The following THTPA variants were observed in gnomAD, a reference collection of about 807,000 sequenced individuals.
THTPA encodes the protein thiamine triphosphatase.
In THTPA, 16 loss-of-function variants were observed where a neutral mutation model predicts 16.5. The ratio of observed to expected loss-of-function variants is 0.97; its 90% CI spans 0.66 to 1.47. The LOEUF is 1.47. THTPA is among the 40% of genes most tolerant of loss of function. THTPA has a pLI of 0.00. For synonymous variants in THTPA, 110 were observed against 115.5 expected (o/e 0.95, Z 0.30); for missense variants, 281 against 280.9 (o/e 1.00, Z 0.00).
chr14:23,512,519 C>T, the THTPA span, among the ~76,000 whole-genome samples: 3 of 150,912 alleles, frequency 2.0e-5, no homozygotes, highest in African/African-American at 7.3e-5. Flanking sequence ...TCTCCCGATA[C>T]CCCACCTCAC....
At chr14:23,535,100 G>T in the THTPA span, 3 of 1,536,190 alleles carry the variant, frequency 2.0e-6, no homozygotes, top group Admixed American at 2.0e-5. The surrounding 1 kb of genome is among the most constrained non-coding windows in gnomAD (Gnocchi z 4.5). Flanking sequence ...CCTTCCTGGG[G>T]CTCCCCAATC....
chr14:23,515,010 G>A, the THTPA span, among the ~76,000 whole-genome samples: 1 of 152,158 alleles, frequency 6.6e-6, no homozygotes, highest in Non-Finnish European at 1.5e-5. Context: ...AGAGGGACAG[G>A]CTAGAGCACA....
the THTPA span, chr14:23,529,970 C>A: frequency 1.0e-6 from 1 of 971,772 alleles, no homozygotes; most frequent in Non-Finnish European, 1.6e-6. Flanking sequence ...CCTAGCCTCT[C>A]GTGGCTCAGC....
chr14:23,524,468 A>G, the THTPA span: 5 of 1,534,300 alleles, frequency 3.3e-6, no homozygotes, highest in South Asian at 2.4e-5. The surrounding 1 kb of genome is among the most constrained non-coding windows in gnomAD (Gnocchi z 5.6). Context: ...TGGACCTGGC[A>G]TTGGTGAGGT....
At chr14:23,538,197 G>A in the THTPA span, 2 of 152,186 alleles carry the variant, frequency 1.3e-5, no homozygotes, top group African/African-American at 2.4e-5. Flanking sequence ...CTGATCGGCC[G>A]AGGGTAGGTT....
chr14:23,532,078 A>G, the THTPA span: 1 of 182,596 alleles, frequency 5.5e-6, no homozygotes, highest in Non-Finnish European at 1.1e-5. Context: ...ACCTAGCCTC[A>G]GGGGACTTCT....
Position 23,559,156 on chromosome 14 carries a change from C to A in THTPA, c.*316C>A. 3.4e-6 allele frequency: 1 copy of A among 295,278 alleles called. No individual in the cohort carries two copies. The allele number at this position is 295,278 out of a possible 1,614,324, so 18.3% of individuals were successfully genotyped here. A position where few individuals can be genotyped will look rare whatever the true frequency, so the allele number is the denominator to read the frequency against. ...TAAGCACAGGAAAATCCCTTGCCAC[C>A]CCCCCTCCCTTGGTCGATGCCATTG... On this transcript the variant is annotated 3_prime_UTR_variant, in exon 2 of 2. Coordinates refer to ENST00000288014, the MANE Select transcript of THTPA (RefSeq NM_024328.6).
At position 23,559,244 on chromosome 14, in the gene THTPA, G is replaced by T. The variant is rs1437007418; in HGVS notation, c.*404G>T. 4.4e-6 allele frequency: 1 copy of T among 228,244 alleles called. No homozygotes were observed. Among genetic ancestry groups the T allele is most frequent in the Non-Finnish European group, 8.8e-6 (1 of 113,768 alleles). 14.1% of individuals were successfully genotyped at this position (228,244 alleles called of 1,614,324 possible). A position where few individuals can be genotyped will look rare whatever the true frequency, so the allele number is the denominator to read the frequency against. The stretch of plus-strand genomic sequence containing the variant: ...TTAGAAGATGAGGAGAGGCAGCAGG[G>T]ATTTCCCTGCCTTGGGATGTGGGAA... On this transcript the variant is annotated 3_prime_UTR_variant, in exon 2 of 2. Transcript: ENST00000288014.
At chr14:23,518,744 C>T in the THTPA span, among the ~76,000 whole-genome samples, 13 of 152,184 alleles carry the variant, frequency 8.5e-5, no homozygotes, top group Admixed American at 2.0e-4. The surrounding 1 kb of genome is among the most constrained non-coding windows in gnomAD (Gnocchi z 4.5). Context: ...GTTATTGTGC[C>T]AAATGCTTGA....
At chr14:23,556,258 A>G (rs1240832858), upstream of THTPA, 1 of 154,358 alleles carries the variant, frequency 6.5e-6, no homozygotes, top group African/African-American at 2.4e-5. Flanking sequence ...CGGGATCCGG[A>G]ACTGCTCCCG....
rs748621956 is a variant in THTPA, at chr14:23,560,249, A to G, written c.*1409A>G. 1 of 1,613,066 alleles carries G rather than the reference A, an allele frequency of 6.2e-7. No homozygotes were observed. Among genetic ancestry groups the G allele is most frequent in the Non-Finnish European group, 8.5e-7 (1 of 1,179,964 alleles). On this transcript the variant is annotated 3_prime_UTR_variant, in exon 2 of 2. Transcript: ENST00000288014. ...AGGCCACCTCTGAACTCTGATCTTTACAAACCTTGGGCACAGCAGCCTGGC... is the reference window on the plus strand; with the variant it reads ...AGGCCACCTCTGAACTCTGATCTTTGCAAACCTTGGGCACAGCAGCCTGGC...
At chr14:23,532,523 A>C in the THTPA span, 9 of 1,423,878 alleles carry the variant, frequency 6.3e-6, no homozygotes, top group Non-Finnish European at 8.2e-6. Context: ...CTCTGTCCCC[A>C]TTCCCTTCTC....
chr14:23,526,098 C>T, the THTPA span: 1 of 1,536,520 alleles, frequency 6.5e-7, no homozygotes, highest in East Asian at 2.4e-5. Flanking sequence ...ATCTTGGAAT[C>T]AGTCTTGGTT....
At chr14:23,539,684 CA>C in the THTPA span, among the ~76,000 whole-genome samples, 1 of 152,146 alleles carries the variant, frequency 6.6e-6, no homozygotes, top group Non-Finnish European at 1.5e-5. Flanking sequence ...CAAAGCTGAC[CA>C]GGGGTGCTTC....
At chr14:23,550,874 G>A in the THTPA span, among the ~76,000 whole-genome samples, 1 of 151,930 alleles carries the variant, frequency 6.6e-6, no homozygotes, top group East Asian at 1.9e-4. Flanking sequence ...CGCCGGCCGC[G>A]GTTCTCCCAT....
the THTPA span, chr14:23,548,562 G>A: frequency 6.6e-6 from 1 of 152,204 alleles, no homozygotes; most frequent in Non-Finnish European, 1.5e-5. Flanking sequence ...GAGGTCTTTG[G>A]TTCTCAGGGG....
chr14:23,522,428 G>A, the THTPA span: 1 of 1,536,482 alleles, frequency 6.5e-7, no homozygotes, highest in South Asian at 1.2e-5. Flanking sequence ...CAGTTCAGGA[G>A]GCTTTGGAGG....
At chr14:23,528,247 G>A in the THTPA span, among the ~76,000 whole-genome samples, 1 of 152,192 alleles carries the variant, frequency 6.6e-6, no homozygotes, top group Non-Finnish European at 1.5e-5. Flanking sequence ...CAGATAGGAA[G>A]GCATTATAGC....
the THTPA span, among the ~76,000 whole-genome samples, chr14:23,512,310 C>T: frequency 2.6e-5 from 4 of 151,886 alleles, no homozygotes; most frequent in Admixed American, 2.6e-4. Flanking sequence ...CACACTTGCG[C>T]GCACGCACAC....
Sources: allele counts gnomAD v4.1 joint callset (sites outside exome capture counted in the v4.1 genomes callset), GRCh38; gene constraint gnomAD v4.1.1; non-coding constraint Gnocchi (gnomAD v3.1); transcripts MANE v1.5; gene names NCBI Gene and HGNC (gene_info 2026-07-23, HGNC 2026-07-21).